Variants in CFAP20DC observed in about 807,000 individuals in gnomAD.
The protein encoded by CFAP20DC is protein CFAP20DC.
In CFAP20DC, 84 loss-of-function variants were observed where a neutral mutation model predicts 101.7. That is an observed-to-expected ratio of 0.83 (90% confidence interval 0.69 to 0.99). CFAP20DC has a LOEUF of 0.99. Ranked by LOEUF, CFAP20DC falls within the 50% of genes least tolerant of loss-of-function variation. CFAP20DC has a pLI of 0.00. For missense variants in CFAP20DC, 1,007 were observed against 970.3 expected, an observed-to-expected ratio of 1.04 and a Z score of -0.50; for synonymous variants, 359 against 351.2, an observed-to-expected ratio of 1.02 and a Z score of -0.25.
intron 4 of CFAP20DC, among the ~76,000 whole-genome samples, chr3:58,945,516 C>A (rs1173938928): frequency 2.6e-5 from 4 of 152,076 alleles, no homozygotes; most frequent in South Asian, 4.1e-4. Flanking sequence ...GGAGGCTAAT[C>A]TTATTTTCCT....
chr3:58,759,426 G>A (rs529395331), intron 15 of CFAP20DC, among the ~76,000 whole-genome samples: 1 of 152,176 alleles, frequency 6.6e-6, no homozygotes, highest in African/African-American at 2.4e-5. Flanking sequence ...TGTAGATTCT[G>A]GATATTAGCC....
chr3:58,779,718 T>C (rs2071651095), intron 15 of CFAP20DC, among the ~76,000 whole-genome samples: 1 of 152,076 alleles, frequency 6.6e-6, no homozygotes, highest in African/African-American at 2.4e-5. Context: ...TAGGACACCA[T>C]AAAGTGACCA....
In CFAP20DC at chr3:58,922,299, T is replaced by C. The variant is rs578016495; in HGVS notation, c.394-8435A>G. On this transcript the variant is annotated intron_variant, in intron 5 of 16. Coordinates refer to ENST00000482387, the MANE Select transcript of CFAP20DC (RefSeq NM_001394063.1). ...TTCTCTATTCCTACAATCTTTTGGATTGAAAACATTTTTTAGCATTCCGTT... is the reference window on the plus strand; with the variant it reads ...TTCTCTATTCCTACAATCTTTTGGACTGAAAACATTTTTTAGCATTCCGTT... Among the ~76,000 whole-genome samples the C allele has an allele frequency of 3.3e-5, 5 of 152,330 alleles. No individual in the cohort carries two copies. In the East Asian group the frequency reaches 7.7e-4, roughly 23 times the overall value.
intron 4 of CFAP20DC, 33 bp from the exon 5 acceptor site, chr3:58,937,795 T>G (rs747932906): frequency 8.4e-7 from 1 of 1,188,130 alleles, no homozygotes; most frequent in South Asian, 1.3e-5. Context: ...ACAGAAAGAT[T>G]CCCATCAATT....
At chr3:58,936,764 G>T (rs919153566) in intron 5 of CFAP20DC, among the ~76,000 whole-genome samples, 10 of 152,074 alleles carry the variant, frequency 6.6e-5, no homozygotes, top group African/African-American at 2.4e-4. Context: ...TCACACTCTG[G>T]GGACTGTTGT....
At chr3:58,758,790 T>C (rs2069219682) in intron 15 of CFAP20DC, among the ~76,000 whole-genome samples, 1 of 152,142 alleles carries the variant, frequency 6.6e-6, no homozygotes, top group South Asian at 2.1e-4. Flanking sequence ...ATGCGGTGTT[T>C]GGTTTTTTGA....
chr3:58,900,109 G>T (rs1449444091), intron 6 of CFAP20DC, among the ~76,000 whole-genome samples: 1 of 152,214 alleles, frequency 6.6e-6, no homozygotes. Context: ...CTGATAAAAT[G>T]GGTGGGAGTG....
chr3:58,849,216 T>A lies in CFAP20DC; in HGVS notation c.1787A>T (p.Glu596Val), dbSNP rs1181319532. 6.5e-7 allele frequency: 1 copy of A among 1,535,994 alleles called. No individual in the cohort carries two copies. The highest frequency in any genetic ancestry group is 1.4e-5 in the African/African-American group (1 of 73,048). The change falls in exon 13 of 17, where the codon GAA becomes GTA. Residue 596 changes from glutamate to valine, a missense_variant. Coordinates refer to ENST00000482387, the MANE Select transcript of CFAP20DC (RefSeq NM_001394063.1). Reference protein sequence around the residue: ...SMEQIDRNNFEMSLLPTTCLS... With the variant: ...SMEQIDRNNFVMSLLPTTCLS... ...GCATGTTGTAGGCAACAAACTCATTTCAAAGTTATTTCTATCTATTTGCTC... is the reference window on the plus strand; with the variant it reads ...GCATGTTGTAGGCAACAAACTCATTACAAAGTTATTTCTATCTATTTGCTC...
chr3:58,969,456 A>G (rs752915156), intron 4 of CFAP20DC, among the ~76,000 whole-genome samples: 12 of 152,190 alleles, frequency 7.9e-5, no homozygotes, highest in Non-Finnish European at 1.5e-4. Context: ...TGACCCAGCA[A>G]TTTCACTCGT....
intron 1 of CFAP20DC, among the ~76,000 whole-genome samples, chr3:59,048,323 G>C (rs549543013): frequency 6.6e-6 from 1 of 152,106 alleles, no homozygotes; most frequent in East Asian, 1.9e-4. Flanking sequence ...TATAACACAC[G>C]ATCACTTGGA....
At position 59,015,037 on chromosome 3, in the gene CFAP20DC, C is replaced by G. The variant is rs1900621; in HGVS notation, c.278+24520G>C. Among the ~76,000 whole-genome samples, 14 of 151,904 alleles carry G rather than the reference C, an allele frequency of 9.2e-5. No individual in the cohort carries two copies. Among genetic ancestry groups the G allele is most frequent in the African/African-American group, 3.4e-4 (14 of 41,324 alleles). ...ACATTTACCAGTACAGAACATTTTG[C>G]GAGCTCATTTCTGAGGTTAGGATGT... is the stretch of plus-strand genomic sequence containing the variant. On this transcript the variant is annotated intron_variant, in intron 4 of 16. Transcript: ENST00000482387. The surrounding 1 kb of genome is among the most constrained non-coding windows in gnomAD (Gnocchi z 5.4).
At chr3:58,719,616 G>T (rs1013886448) in intron 3 of CFAP20DC, among the ~76,000 whole-genome samples, 1 of 152,166 alleles carries the variant, frequency 6.6e-6, no homozygotes, top group African/African-American at 2.4e-5. Flanking sequence ...GTTGGGGCTG[G>T]GCTTGATGAA....
At chr3:58,987,069 A>C (rs1424170487) in intron 4 of CFAP20DC, among the ~76,000 whole-genome samples, 1 of 152,150 alleles carries the variant, frequency 6.6e-6, no homozygotes, top group Non-Finnish European at 1.5e-5. Flanking sequence ...AGGACCTGCA[A>C]ACAACATATT....
chr3:59,005,430 TGATACAGACA>T (rs1340698564), intron 4 of CFAP20DC, among the ~76,000 whole-genome samples: 1 of 152,224 alleles, frequency 6.6e-6, no homozygotes, highest in Admixed American at 6.5e-5. Context: ...AGAAGCTAGC[TGATACAGACA>T]AGTTTCAGAC....
At chr3:59,012,646 C>T (rs1221973616) in intron 4 of CFAP20DC, among the ~76,000 whole-genome samples, 2 of 152,170 alleles carry the variant, frequency 1.3e-5, no homozygotes, top group Non-Finnish European at 2.9e-5. Flanking sequence ...GCATTTTAGA[C>T]ATGTATTTCT....
chr3:58,769,974 C>T (rs1418868989), intron 15 of CFAP20DC, among the ~76,000 whole-genome samples: 2 of 152,188 alleles, frequency 1.3e-5, no homozygotes, highest in Non-Finnish European at 2.9e-5. Flanking sequence ...GTGCTCAGTG[C>T]TCTAAGAAAC....
chr3:58,891,028 C>T (rs1310173495), intron 6 of CFAP20DC, among the ~76,000 whole-genome samples: 1 of 148,244 alleles, frequency 6.7e-6, no homozygotes, highest in Admixed American at 6.7e-5. Context: ...GGGGTGGCGG[C>T]CGGGCAGAGG....
chr3:58,927,309 T>C (rs945710953), intron 5 of CFAP20DC, among the ~76,000 whole-genome samples: 4 of 152,182 alleles, frequency 2.6e-5, no homozygotes, highest in Non-Finnish European at 5.9e-5. Flanking sequence ...CTAAAGGCTT[T>C]AGCTAAAAAA....
chr3:58,931,323 A>G (rs2107668207), intron 5 of CFAP20DC, among the ~76,000 whole-genome samples: 1 of 152,314 alleles, frequency 6.6e-6, no homozygotes, highest in African/African-American at 2.4e-5. Context: ...CTGCCTCTGT[A>G]GGCTCCACCT....
Sources: allele counts gnomAD v4.1 joint callset (sites outside exome capture counted in the v4.1 genomes callset), GRCh38; gene constraint gnomAD v4.1.1; non-coding constraint Gnocchi (gnomAD v3.1); transcripts MANE v1.5; gene names NCBI Gene and HGNC (gene_info 2026-07-23, HGNC 2026-07-21).